Variants in NEK6 observed in about 807,000 individuals in gnomAD.
NEK6 encodes the protein serine/threonine-protein kinase Nek6.
NEK6 carries 27 observed loss-of-function variants against 43.5 expected under a neutral mutation model. That is an observed-to-expected ratio of 0.62 (90% CI 0.46 to 0.86). The LOEUF (loss-of-function observed/expected upper bound fraction) is 0.86, where lower values mean the gene tolerates loss of function less well. NEK6 is among the 40% of genes least tolerant of loss of function. NEK6 has a pLI of 0.00. For missense variants in NEK6, 318 were observed against 414.4 expected, an observed-to-expected ratio of 0.77 and a Z score of 2.02; for synonymous variants, 167 against 164.1, an observed-to-expected ratio of 1.02 and a Z score of -0.14.
intron 1 of NEK6, among the ~76,000 whole-genome samples, chr9:124,279,793 G>A (rs1199343661): frequency 6.6e-6 from 1 of 152,192 alleles, no homozygotes; most frequent in Non-Finnish European, 1.5e-5. Context: ...TTTCCCTCAA[G>A]GCACGTATCG....
chr9:124,267,009 G>T (rs1047779896), intron 1 of NEK6, among the ~76,000 whole-genome samples: 2 of 152,184 alleles, frequency 1.3e-5, no homozygotes, highest in Non-Finnish European at 2.9e-5. Flanking sequence ...CCACATGTCT[G>T]CATAGGAGGG....
In NEK6 at chr9:124,302,028, G is replaced by T. The variant is rs867678055; in HGVS notation, c.64G>T (p.Gly22Trp). 1 of 1,604,592 alleles carries T rather than the reference G, an allele frequency of 6.2e-7. No homozygotes were observed. Among genetic ancestry groups the T allele is most frequent in the African/African-American group, 1.3e-5 (1 of 74,820 alleles). The change falls in exon 2 of 10, where the codon GGG (glycine) becomes TGG (tryptophan). Residue 22 changes from glycine (G) to tryptophan (W), a missense_variant. Gly to Trp is a radical substitution (Grantham distance 184, BLOSUM62 -2). Coordinates refer to ENST00000320246, the MANE Select transcript of NEK6 (RefSeq NM_014397.6). The part of the protein sequence containing the change: ...GSSNNLCHTL[G>W]PVHPPDPQRH... ...TTCCAACAACCTCTGCCACACCCTG[G>T]GGCCTGTGCATCCTCCTGACCCACA...
At chr9:124,258,270 C>T (rs1261525297) in intron 1 of NEK6, 185 bp downstream of exon 1, 47 of 984,056 alleles carry the variant, frequency 4.8e-5, no homozygotes, top group Non-Finnish European at 5.4e-5. Context: ...GGCGGCCGGG[C>T]GGGCGGGGGC....
At chr9:124,284,573 C>G (rs1016898931) in intron 1 of NEK6, among the ~76,000 whole-genome samples, 1 of 152,212 alleles carries the variant, frequency 6.6e-6, no homozygotes, top group Non-Finnish European at 1.5e-5. Flanking sequence ...ACAAAATTCC[C>G]AGTTAATGGG....
chr9:124,264,959 A>G (rs1252892473), intron 1 of NEK6, among the ~76,000 whole-genome samples: 1 of 152,136 alleles, frequency 6.6e-6, no homozygotes, highest in African/African-American at 2.4e-5. Context: ...CCTGTTTTAC[A>G]TAAGGAGGTT....
At chr9:124,282,377 T>C (rs891738853) in intron 1 of NEK6, among the ~76,000 whole-genome samples, 1 of 152,230 alleles carries the variant, frequency 6.6e-6, no homozygotes, top group Non-Finnish European at 1.5e-5. Context: ...AAGACACCCG[T>C]CATTGAATTT....
chr9:124,330,730 C>T (rs1201581890), intron 7 of NEK6, among the ~76,000 whole-genome samples: 1 of 152,176 alleles, frequency 6.6e-6, no homozygotes, highest in African/African-American at 2.4e-5. Flanking sequence ...ATGCAGCTTT[C>T]GAGGGGACAG....
chr9:124,279,383 C>T (rs1831795814), intron 1 of NEK6, among the ~76,000 whole-genome samples: 1 of 150,822 alleles, frequency 6.6e-6, no homozygotes, highest in South Asian at 2.1e-4. Context: ...CTCACTGCAA[C>T]CTCTGCTCCC....
intron 2 of NEK6, among the ~76,000 whole-genome samples, chr9:124,311,940 G>A (rs1409138130): frequency 6.6e-6 from 1 of 152,184 alleles, no homozygotes; most frequent in South Asian, 2.1e-4. Flanking sequence ...TCCCGCCTCA[G>A]CTCCCAAAAT....
chr9:124,294,447 G>A (rs1297818298), intron 1 of NEK6, among the ~76,000 whole-genome samples: 1 of 151,368 alleles, frequency 6.6e-6, no homozygotes, highest in Non-Finnish European at 1.5e-5. Flanking sequence ...AGCAGAGATC[G>A]CGCCATTGCA....
At chr9:124,292,816 G>A in intron 1 of NEK6, 3 of 1,431,146 alleles carry the variant, frequency 2.1e-6, no homozygotes, top group Non-Finnish European at 2.8e-6. Context: ...GAGTGGTTTA[G>A]TCTCTACCCT....
intron 5 of NEK6, among the ~76,000 whole-genome samples, chr9:124,322,188 C>A (rs993838000): frequency 1.3e-5 from 2 of 152,146 alleles, no homozygotes; most frequent in African/African-American, 4.8e-5. Flanking sequence ...AGATGCTCTC[C>A]CCAGCCCTAG....
chr9:124,263,842 T>A (rs895110822), intron 1 of NEK6, among the ~76,000 whole-genome samples: 3 of 152,246 alleles, frequency 2.0e-5, no homozygotes, highest in African/African-American at 7.2e-5. Context: ...AATGTTTGCC[T>A]GTCAGTATCT....
At chr9:124,297,992 A>G (rs1832776494) in intron 1 of NEK6, among the ~76,000 whole-genome samples, 1 of 152,180 alleles carries the variant, frequency 6.6e-6, no homozygotes, top group South Asian at 2.1e-4. Context: ...ACCCATGGAG[A>G]GCCCCAAGAG....
chr9:124,336,445 TAA>T (rs1829293289), intron 7 of NEK6, among the ~76,000 whole-genome samples: 2 of 152,150 alleles, frequency 1.3e-5, no homozygotes, highest in South Asian at 4.1e-4. Flanking sequence ...TTCATGAAAT[TAA>T]AAGTTACCTG....
At chr9:124,317,004 G>A (rs1208500893) in intron 4 of NEK6, among the ~76,000 whole-genome samples, 1 of 152,220 alleles carries the variant, frequency 6.6e-6, no homozygotes, top group Non-Finnish European at 1.5e-5. Context: ...ATAATGAGGT[G>A]AAGTTCAAGA....
intron 1 of NEK6, among the ~76,000 whole-genome samples, chr9:124,278,469 G>A (rs1198537951): frequency 1.3e-5 from 2 of 152,250 alleles, no homozygotes; most frequent in East Asian, 1.9e-4. Flanking sequence ...TGGAGGAGAA[G>A]TTGCTCAAGA....
chr9:124,349,011 G>A (rs909925860), intron 9 of NEK6, among the ~76,000 whole-genome samples: 18 of 152,376 alleles, frequency 1.2e-4, no homozygotes, highest in African/African-American at 4.3e-4. Flanking sequence ...TGGAAGGAGT[G>A]CCCTTGCCCC....
chr9:124,329,905 C>T (rs1828877901), intron 7 of NEK6, among the ~76,000 whole-genome samples: 1 of 152,274 alleles, frequency 6.6e-6, no homozygotes, highest in South Asian at 2.1e-4. Flanking sequence ...ACACTTCACG[C>T]CCTGTGCGTG....
Sources: allele counts gnomAD v4.1 joint callset (sites outside exome capture counted in the v4.1 genomes callset), GRCh38; gene constraint gnomAD v4.1.1; transcripts MANE v1.5; gene names NCBI Gene and HGNC (gene_info 2026-07-23, HGNC 2026-07-21).